ENPP2: variants seen among roughly 807,000 people sequenced by gnomAD.
ENPP2 encodes the protein autotaxin.
A neutral mutation model predicts 120.2 loss-of-function variants in ENPP2; 51 were observed. The ratio of observed to expected loss-of-function variants is 0.42; its 90% CI spans 0.34 to 0.54. ENPP2 has a LOEUF of 0.54. ENPP2 is among the 20% of genes least tolerant of loss of function. The pLI is 0.04. For synonymous variants in ENPP2, 365 were observed against 366.4 expected, an observed-to-expected ratio of 1.00 and a Z score of 0.04; for missense variants, 920 against 1,066.5, an observed-to-expected ratio of 0.86 and a Z score of 1.91.
At position 119,570,855 on chromosome 8, in the gene ENPP2, A is replaced by G; in HGVS notation, c.1781-14T>C. 6.5e-7 allele frequency: 1 copy of G among 1,531,808 alleles called. No individual in the cohort carries two copies. Among genetic ancestry groups the G allele is most frequent in the Non-Finnish European group, 8.7e-7 (1 of 1,145,448 alleles). 94.9% of individuals were successfully genotyped at this position (1,531,808 alleles called of 1,614,324 possible). ...GGAGGTGTCTCTCTAAAAAAGAAAAAAAATAAACTGTGTTAGGTGCATATT... is the reference window on the plus strand; with the variant it reads ...GGAGGTGTCTCTCTAAAAAAGAAAAGAAATAAACTGTGTTAGGTGCATATT... On this transcript the variant is annotated splice_polypyrimidine_tract_variant and intron_variant, in intron 19 of 24. Transcript: ENST00000075322.
chr8:119,560,574 G>A (rs1326583363), intron 24 of ENPP2, among the ~76,000 whole-genome samples: 1 of 152,162 alleles, frequency 6.6e-6, no homozygotes, highest in Non-Finnish European at 1.5e-5. Flanking sequence ...TGTGAATCTT[G>A]CCTAAGCCCT....
chr8:119,594,552 T>C (rs984862909), intron 11 of ENPP2, among the ~76,000 whole-genome samples: 1 of 152,148 alleles, frequency 6.6e-6, no homozygotes, highest in Non-Finnish European at 1.5e-5. Context: ...ATATGAAAAC[T>C]CAATTCTTTT....
chr8:119,652,491 T>C (rs1012090970), intron 1 of ENPP2, among the ~76,000 whole-genome samples: 1 of 152,160 alleles, frequency 6.6e-6, no homozygotes, highest in African/African-American at 2.4e-5. Flanking sequence ...AAACAGTTTA[T>C]AGACTCTGCC....
chr8:119,662,275 A>G (rs1385789168), intron 1 of ENPP2, among the ~76,000 whole-genome samples: 6 of 152,230 alleles, frequency 3.9e-5, no homozygotes, highest in Non-Finnish European at 8.8e-5. Context: ...ATGTATCAAA[A>G]CATCATGTTG....
intron 22 of ENPP2, among the ~76,000 whole-genome samples, chr8:119,565,801 T>A (rs565102109): frequency 6.6e-6 from 1 of 152,256 alleles, no homozygotes; most frequent in South Asian, 2.1e-4. Context: ...TTGTACCTTG[T>A]AGCCCACTCC....
intron 9 of ENPP2, among the ~76,000 whole-genome samples, chr8:119,605,465 T>TGTGTG (rs1434195692): frequency 6.8e-6 from 1 of 146,276 alleles, no homozygotes; most frequent in African/African-American, 2.6e-5. Flanking sequence ...TGTGTGTGTG[T>TGTGTG]ATTTTTTTTT....
intron 3 of ENPP2, among the ~76,000 whole-genome samples, chr8:119,625,415 G>A (rs928865104): frequency 1.3e-5 from 2 of 152,090 alleles, no homozygotes; most frequent in Non-Finnish European, 2.9e-5. Context: ...GGACGCAGGA[G>A]GAAAACAAAT....
At chr8:119,647,030 C>T (rs1387987896) in intron 1 of ENPP2, among the ~76,000 whole-genome samples, 2 of 146,900 alleles carry the variant, frequency 1.4e-5, no homozygotes, top group Non-Finnish European at 3.0e-5. Context: ...CAGAGTTTGG[C>T]TCTGTCGCCC....
At chr8:119,613,086 G>C (rs902898291) in intron 8 of ENPP2, among the ~76,000 whole-genome samples, 30 of 152,002 alleles carry the variant, frequency 2.0e-4, no homozygotes, top group South Asian at 1.0e-3. Flanking sequence ...AAACAGAACA[G>C]GGAACAACCC....
At chr8:119,658,533 A>G (rs1350085378) in intron 1 of ENPP2, among the ~76,000 whole-genome samples, 1 of 152,226 alleles carries the variant, frequency 6.6e-6, no homozygotes, top group African/African-American at 2.4e-5. Context: ...AAACCTCAGC[A>G]CTGCCACTTT....
At chr8:119,605,789 GA>G (rs1814681919) in intron 9 of ENPP2, among the ~76,000 whole-genome samples, 1 of 152,046 alleles carries the variant, frequency 6.6e-6, no homozygotes, top group Admixed American at 6.6e-5. Context: ...ATTTTTATTT[GA>G]AGATGAGGAC....
chr8:119,609,016 T>C lies in ENPP2; in HGVS notation c.778-1039A>G, dbSNP rs562137546. Among the ~76,000 whole-genome samples the C allele has an allele frequency of 1.9e-3, 296 of 152,290 alleles. 1 individual carries two copies. The highest frequency in any genetic ancestry group is 3.1e-3 in the Non-Finnish European group (212 of 68,020). On this transcript the variant is annotated intron_variant, in intron 8 of 24. Coordinates refer to ENST00000075322, the MANE Select transcript of ENPP2 (RefSeq NM_001040092.3). ...GAATGGAAGCAAATACGAGAGAGAA[T>C]TGTGGTTTGCCTAAGACCAAAACAA... is the stretch of plus-strand genomic sequence containing the variant.
chr8:119,602,639 C>T (rs1434484437), intron 9 of ENPP2, among the ~76,000 whole-genome samples: 1 of 152,080 alleles, frequency 6.6e-6, no homozygotes, highest in African/African-American at 2.4e-5. Flanking sequence ...GTATTGCATC[C>T]CCGGCTGAGT....
intron 1 of ENPP2, among the ~76,000 whole-genome samples, chr8:119,654,256 CTATATTATAT>C (rs200960142): frequency 7.3e-6 from 1 of 137,684 alleles, no homozygotes; most frequent in African/African-American, 2.7e-5. Context: ...ATATCTATAT[CTATATTATAT>C]TATAATACTA....
chr8:119,585,380 T>G (rs1347204581), intron 15 of ENPP2, among the ~76,000 whole-genome samples: 1 of 152,244 alleles, frequency 6.6e-6, no homozygotes, highest in Non-Finnish European at 1.5e-5. Flanking sequence ...GATACAAGTT[T>G]CTAGAGTTCT....
chr8:119,617,435 G>C (rs1815540642), intron 6 of ENPP2, 31 bp downstream of exon 6: 1 of 1,462,268 alleles, frequency 6.8e-7, no homozygotes, highest in African/African-American at 1.4e-5. Context: ...CTAGATTACA[G>C]ATAAGAACAC....
intron 8 of ENPP2, among the ~76,000 whole-genome samples, chr8:119,610,100 GATC>G (rs1199694307): frequency 2.0e-5 from 3 of 151,930 alleles, no homozygotes; most frequent in Non-Finnish European, 1.5e-5. Context: ...GCAAAATTAA[GATC>G]ATTTGTTCTT....
chr8:119,673,192 GCAGCTGTGA>G, intron 1 of ENPP2: 1 of 1,380,940 alleles, frequency 7.2e-7, no homozygotes, highest in East Asian at 2.5e-5. Context: ...TGACAGAATG[GCAGCTGTGA>G]CCTGGGAGCC....
At chr8:119,601,599 G>C in intron 9 of ENPP2, 137 bp from the exon 10 acceptor site, 1 of 645,018 alleles carries the variant, frequency 1.6e-6, no homozygotes, top group Non-Finnish European at 2.8e-6. Flanking sequence ...TGTAGTAAAA[G>C]GCCCTCTTTC....
Sources: allele counts gnomAD v4.1 joint callset (sites outside exome capture counted in the v4.1 genomes callset), GRCh38; gene constraint gnomAD v4.1.1; transcripts MANE v1.5; gene names NCBI Gene and HGNC (gene_info 2026-07-23, HGNC 2026-07-21).